Variants in STK32A observed in about 807,000 individuals in gnomAD.
STK32A encodes the protein serine/threonine kinase 32A.
Under a neutral mutation model 53.2 loss-of-function variants are expected in STK32A, and 41 were observed. That is an observed-to-expected ratio of 0.77 (90% CI 0.60 to 1.00). The LOEUF (loss-of-function observed/expected upper bound fraction) is 1.00. Among genes scored for constraint, STK32A ranks in the 50% least tolerant of loss-of-function variants. STK32A has a pLI of 0.00. For synonymous variants in STK32A, 166 were observed against 162.8 expected, an observed-to-expected ratio of 1.02 and a Z score of -0.15; for missense variants, 458 against 485.8, an observed-to-expected ratio of 0.94 and a Z score of 0.54.
At chr5:147,237,671 A>T (rs1426549745) in intron 1 of STK32A, among the ~76,000 whole-genome samples, 2 of 152,168 alleles carry the variant, frequency 1.3e-5, no homozygotes, top group African/African-American at 4.8e-5. Context: ...CTTCCTAATT[A>T]ATGACTCTCT....
chr5:147,315,405 A>G (rs1753942255), intron 4 of STK32A, among the ~76,000 whole-genome samples: 1 of 152,240 alleles, frequency 6.6e-6, no homozygotes, highest in Non-Finnish European at 1.5e-5. Flanking sequence ...ATAAAGGAGT[A>G]AAATTCTGAT....
intron 1 of STK32A, among the ~76,000 whole-genome samples, chr5:147,237,774 C>T (rs1753386014): frequency 6.6e-6 from 1 of 152,182 alleles, no homozygotes; most frequent in African/African-American, 2.4e-5. Context: ...CTTAATGAGT[C>T]TGAGTCTGCC....
intron 8 of STK32A, among the ~76,000 whole-genome samples, chr5:147,366,046 C>T (rs946700028): frequency 1.4e-4 from 21 of 152,116 alleles, no homozygotes; most frequent in African/African-American, 4.8e-4. Context: ...CACACACACA[C>T]ACACACATAC....
intron 8 of STK32A, among the ~76,000 whole-genome samples, chr5:147,362,460 C>A (rs1012215054): frequency 2.0e-5 from 3 of 152,134 alleles, no homozygotes; most frequent in African/African-American, 7.2e-5. Flanking sequence ...AGGGACCTAC[C>A]CCCATAAACT....
chr5:147,281,041 C>T (rs1396280237), intron 4 of STK32A, among the ~76,000 whole-genome samples: 1 of 152,106 alleles, frequency 6.6e-6, no homozygotes, highest in African/African-American at 2.4e-5. Flanking sequence ...AGATAACAAT[C>T]ACTGCAGTTC....
At chr5:147,304,088 G>A (rs185238587) in intron 4 of STK32A, among the ~76,000 whole-genome samples, 1 of 152,262 alleles carries the variant, frequency 6.6e-6, no homozygotes, top group East Asian at 1.9e-4. Context: ...CAAAGATTAG[G>A]GACAAAGGGC....
rs1400323189 is a variant in STK32A at position 147,267,540 on chromosome 5, T to C, written c.53-10584T>C. Reference sequence around the variant, plus strand: ...TAAAAAGTAAATAAGATAATGTATATTAAGGTATTTGGATAGTGCCTATAG... The same window carrying C: ...TAAAAAGTAAATAAGATAATGTATACTAAGGTATTTGGATAGTGCCTATAG... On this transcript the variant is annotated intron_variant, in intron 2 of 12. Transcript: ENST00000397936. Among the ~76,000 whole-genome samples, 4 of 152,182 alleles carry C rather than the reference T, an allele frequency of 2.6e-5. No homozygotes were observed. In the East Asian group the frequency reaches 7.7e-4, roughly 29 times the overall value.
At chr5:147,326,272 C>T (rs1754583613) in intron 5 of STK32A, among the ~76,000 whole-genome samples, 1 of 152,176 alleles carries the variant, frequency 6.6e-6, no homozygotes, top group African/African-American at 2.4e-5. Context: ...ATCACATCCA[C>T]AGTTATTACT....
intron 5 of STK32A, among the ~76,000 whole-genome samples, chr5:147,328,786 T>C (rs1754723087): frequency 6.6e-6 from 1 of 152,186 alleles, no homozygotes; most frequent in South Asian, 2.1e-4. Context: ...ATGAACAATC[T>C]GGTGGAAAGT....
At chr5:147,349,409 T>C (rs1755850837) in intron 6 of STK32A, among the ~76,000 whole-genome samples, 1 of 152,186 alleles carries the variant, frequency 6.6e-6, no homozygotes. Flanking sequence ...ATTACAGCTG[T>C]ATCTCATCAA....
intron 2 of STK32A, among the ~76,000 whole-genome samples, chr5:147,272,619 G>A (rs1466449036): frequency 9.0e-6 from 1 of 110,744 alleles, no homozygotes; most frequent in Admixed American, 9.6e-5. Context: ...TCTCTTAAAG[G>A]GTACACAAGG....
At chr5:147,343,219 T>G in intron 6 of STK32A, 176 bp downstream of exon 6, 1 of 772,608 alleles carries the variant, frequency 1.3e-6, no homozygotes, top group Non-Finnish European at 2.3e-6. Flanking sequence ...CAGGTTATAG[T>G]ACAACAATAC....
chr5:147,298,876 A>C (rs1752992928), intron 4 of STK32A, among the ~76,000 whole-genome samples: 1 of 152,204 alleles, frequency 6.6e-6, no homozygotes, highest in Admixed American at 6.5e-5. Flanking sequence ...AGAGTTAAGA[A>C]TGTGTATGGC....
At position 147,384,362 on chromosome 5, in the gene STK32A, T is replaced by A. The variant is rs1412153259; in HGVS notation, c.*379T>A. ...AATATAGATTTATTTTTCCACTCCT[T>A]CTAATTATGCAGTGACAAATGGACA... On this transcript the variant is annotated 3_prime_UTR_variant, in exon 13 of 13. Coordinates refer to ENST00000397936, the MANE Select transcript of STK32A (RefSeq NM_001112724.2). 1 of 1,517,482 alleles carries A rather than the reference T, an allele frequency of 6.6e-7. No individual in the cohort carries two copies. Among genetic ancestry groups the A allele is most frequent in the Non-Finnish European group, 8.8e-7 (1 of 1,137,200 alleles). 94.0% of individuals were successfully genotyped at this position (1,517,482 alleles called of 1,614,324 possible).
chr5:147,340,638 G>T (rs1262870515), intron 5 of STK32A, among the ~76,000 whole-genome samples: 1 of 152,004 alleles, frequency 6.6e-6, no homozygotes, highest in African/African-American at 2.4e-5. Context: ...TTATATTTTG[G>T]AGAAACTATA....
chr5:147,373,975 T>G (rs1476110778), intron 10 of STK32A, among the ~76,000 whole-genome samples: 1 of 152,076 alleles, frequency 6.6e-6, no homozygotes. Context: ...ATAAGAGGCT[T>G]CTAAAGGGGC....
At chr5:147,344,501 A>G (rs1755589359) in intron 6 of STK32A, among the ~76,000 whole-genome samples, 1 of 152,226 alleles carries the variant, frequency 6.6e-6, no homozygotes. Context: ...AGCTAGGTAC[A>G]GTGGCAGGCA....
chr5:147,366,459 T>A (rs1034137801), intron 8 of STK32A, among the ~76,000 whole-genome samples: 1 of 152,228 alleles, frequency 6.6e-6, no homozygotes, highest in Non-Finnish European at 1.5e-5. Flanking sequence ...CCAGTTCGTG[T>A]TGGGGAGGTT....
At chr5:147,340,914 T>A (rs1755372911) in intron 5 of STK32A, among the ~76,000 whole-genome samples, 1 of 152,222 alleles carries the variant, frequency 6.6e-6, no homozygotes. Context: ...GAATACAAGA[T>A]TTAATTAAGA....
Sources: gnomAD v4.1 joint callset for allele counts (sites outside exome capture counted in the v4.1 genomes callset) on GRCh38, gnomAD v4.1.1 for gene constraint, MANE v1.5 for transcripts, NCBI Gene and HGNC (gene_info 2026-07-23, HGNC 2026-07-21) for gene names.